SPINK5: variants seen among roughly 807,000 people sequenced by gnomAD.
The protein encoded by SPINK5 is serine peptidase inhibitor Kazal type 5.
SPINK5 carries 125 observed loss-of-function variants against 151.8 expected under a neutral mutation model. The ratio of observed to expected loss-of-function variants is 0.82; its 90% CI spans 0.71 to 0.96. The LOEUF is 0.96. SPINK5 is among the 40% of genes least tolerant of loss of function. The probability of loss-of-function intolerance (pLI) is 0.00; values close to 1 mark genes in which losing one functional copy is unlikely to be tolerated. For synonymous variants in SPINK5, 374 were observed against 395.3 expected (o/e 0.95, Z 0.64); for missense variants, 1,194 against 1,291.9 (o/e 0.92, Z 1.16).
intron 30 of SPINK5, among the ~76,000 whole-genome samples, chr5:148,130,214 C>T (rs1055317806): frequency 6.6e-6 from 1 of 151,948 alleles, no homozygotes; most frequent in Non-Finnish European, 1.5e-5. Flanking sequence ...CAAATTACTG[C>T]TTTGGCTGCT....
intron 4 of SPINK5, among the ~76,000 whole-genome samples, chr5:148,072,510 C>T (rs1215377974): frequency 1.3e-5 from 2 of 151,924 alleles, no homozygotes; most frequent in Non-Finnish European, 2.9e-5. Flanking sequence ...TTCCTCTTGT[C>T]CTGTCTTAGC....
At chr5:148,096,745 TTCTTTTC>T (rs1272035959) in intron 10 of SPINK5, among the ~76,000 whole-genome samples, 2 of 141,574 alleles carry the variant, frequency 1.4e-5, no homozygotes, top group African/African-American at 5.6e-5. Context: ...TCTTTTTCTT[TTCTTTTC>T]TTTTTTTTTT....
At chr5:148,081,784 T>A (rs1753028446) in intron 4 of SPINK5, among the ~76,000 whole-genome samples, 1 of 151,792 alleles carries the variant, frequency 6.6e-6, no homozygotes, top group South Asian at 2.1e-4. Flanking sequence ...AATAAAGCTG[T>A]TTAGAATTTT....
chr5:148,072,212 C>A lies in SPINK5; in HGVS notation c.274C>A (p.Pro92Thr), dbSNP rs1212563023. ...HLARAPKATA[P>T]TELNCDDFKK... Reference sequence around the variant, plus strand: ...AGCAAGAGCTCCCAAGGCTACTGCCCCAACAGAGGTGAGACTATTTGGAGC... The same window carrying A: ...AGCAAGAGCTCCCAAGGCTACTGCCACAACAGAGGTGAGACTATTTGGAGC... The change falls in exon 4 of 33, where the codon CCA becomes ACA. Residue 92 changes from proline (P) to threonine (T), a missense_variant. By Grantham distance (38) the Pro-to-Thr change is conservative. Coordinates refer to ENST00000256084, the MANE Select transcript of SPINK5 (RefSeq NM_006846.4). 6.2e-7 allele frequency: 1 copy of A among 1,611,946 alleles called. No homozygotes were observed. The highest frequency in any genetic ancestry group is 2.2e-5 in the East Asian group (1 of 44,836).
At chr5:148,065,602 AAG>A (rs1412985273) in intron 2 of SPINK5, 1 of 517,844 alleles carries the variant, frequency 1.9e-6, no homozygotes, top group African/African-American at 1.9e-5. Flanking sequence ...GGATGTCTGC[AAG>A]AGGCAATTTA....
At chr5:148,136,889 A>C in intron 32 of SPINK5, 94 bp from the exon 33 acceptor site, 3 of 1,481,354 alleles carry the variant, frequency 2.0e-6, no homozygotes, top group South Asian at 2.3e-5. Context: ...GGATCTATGG[A>C]TTTCTTTGAT....
At chr5:148,096,919 T>A (rs1340045639) in intron 10 of SPINK5, among the ~76,000 whole-genome samples, 1 of 151,618 alleles carries the variant, frequency 6.6e-6, no homozygotes, top group Non-Finnish European at 1.5e-5. Context: ...CCACTACACA[T>A]AGCTTAAGCC....
At chr5:148,133,975 T>C in intron 32 of SPINK5, 88 bp downstream of exon 32, 1 of 1,384,026 alleles carries the variant, frequency 7.2e-7, no homozygotes, top group South Asian at 1.2e-5. Flanking sequence ...GTAATGGACA[T>C]TTATCTGGCC....
chr5:148,135,738 G>A (rs1030506946), intron 32 of SPINK5, among the ~76,000 whole-genome samples: 21 of 152,104 alleles, frequency 1.4e-4, no homozygotes, highest in African/African-American at 5.1e-4. Flanking sequence ...GAAGCCTGTT[G>A]TTTGAACTTT....
intron 1 of SPINK5, among the ~76,000 whole-genome samples, chr5:148,064,681 C>T (rs1251595441): frequency 6.6e-6 from 1 of 151,962 alleles, no homozygotes; most frequent in African/African-American, 2.4e-5. Context: ...ACACAAATTG[C>T]CTAGACTTAC....
intron 31 of SPINK5, 114 bp downstream of exon 31, chr5:148,131,503 A>G: frequency 2.1e-6 from 3 of 1,457,142 alleles, no homozygotes; most frequent in East Asian, 2.3e-5. Flanking sequence ...TAATTTATTC[A>G]TCATAGAAGT....
chr5:148,133,721 C>A (rs1248395074), intron 31 of SPINK5, 76 bp from the exon 32 acceptor site: 17 of 1,437,976 alleles, frequency 1.2e-5, no homozygotes, highest in Non-Finnish European at 1.7e-5. Context: ...AAGTGTCCTG[C>A]ATGTTGGTCC....
intron 2 of SPINK5, among the ~76,000 whole-genome samples, chr5:148,068,000 G>A (rs547598787): frequency 6.6e-6 from 1 of 152,174 alleles, no homozygotes; most frequent in South Asian, 2.1e-4. Context: ...CTTTCTATAA[G>A]ACTTACTTAA....
chr5:148,086,181 G>A (rs999962046), intron 4 of SPINK5, among the ~76,000 whole-genome samples: 3 of 151,834 alleles, frequency 2.0e-5, no homozygotes, highest in African/African-American at 7.3e-5. Context: ...CAGACAGCAA[G>A]TGGCTGAAGT....
At chr5:148,133,662 G>A (rs976899700) in intron 31 of SPINK5, 135 bp from the exon 32 acceptor site, 2 of 786,860 alleles carry the variant, frequency 2.5e-6, no homozygotes, top group Non-Finnish European at 4.4e-6. Context: ...GAAAGTAGTT[G>A]AATGCAGATC....
intron 7 of SPINK5, among the ~76,000 whole-genome samples, chr5:148,090,159 G>A (rs954704535): frequency 2.6e-5 from 4 of 152,002 alleles, no homozygotes; most frequent in Non-Finnish European, 4.4e-5. Context: ...CATTAAAGAC[G>A]CAGATGTGGA....
Position 148,064,656 on chromosome 5 carries a change from T to C in SPINK5, c.55+557T>C, listed in dbSNP as rs945070790. Among the ~76,000 whole-genome samples, 5 of 152,230 alleles carry C rather than the reference T, an allele frequency of 3.3e-5. No individual in the cohort carries two copies. The East Asian group carries it at 9.7e-4, about 29-fold the overall frequency. ...GGAAGGTAGATTTTTATATTTGCTA[T>C]TTAACCCTAAGAGAACACAAATTGC... On this transcript the variant is annotated intron_variant, in intron 1 of 32. Coordinates refer to ENST00000256084, the MANE Select transcript of SPINK5 (RefSeq NM_006846.4).
chr5:148,116,595 A>G, intron 22 of SPINK5, 129 bp downstream of exon 22: 3 of 915,096 alleles, frequency 3.3e-6, no homozygotes, highest in Non-Finnish European at 3.6e-6. Flanking sequence ...GTTTCTCCTT[A>G]AGGTTGCAGG....
intron 31 of SPINK5, among the ~76,000 whole-genome samples, chr5:148,133,157 T>C (rs575165769): frequency 6.6e-6 from 1 of 152,306 alleles, no homozygotes; most frequent in Non-Finnish European, 1.5e-5. Flanking sequence ...GAGTAGATAT[T>C]ATAAAGAAGG....
Sources: allele counts gnomAD v4.1 joint callset (sites outside exome capture counted in the v4.1 genomes callset), GRCh38; gene constraint gnomAD v4.1.1; transcripts MANE v1.5; gene names NCBI Gene and HGNC (gene_info 2026-07-23, HGNC 2026-07-21).